Variants in PCDH9 observed in about 807,000 individuals in gnomAD.
PCDH9 encodes the protein protocadherin 9.
Under a neutral mutation model 70.6 loss-of-function variants are expected in PCDH9, and 24 were observed. The observed-to-expected ratio is 0.34, with a 90% CI of 0.25 to 0.48. PCDH9 has a LOEUF of 0.48. Ranked by LOEUF, PCDH9 falls within the 20% of genes least tolerant of loss-of-function variation. The pLI, the probability that PCDH9 is intolerant of heterozygous loss-of-function variation, is 0.99. For missense variants in PCDH9, 1,281 were observed against 1,503.6 expected, an observed-to-expected ratio of 0.85 and a Z score of 2.45; for synonymous variants, 562 against 558.5, an observed-to-expected ratio of 1.01 and a Z score of -0.09.
intron 2 of PCDH9, among the ~76,000 whole-genome samples, chr13:67,072,307 G>T (rs2085782478): frequency 6.6e-6 from 1 of 152,022 alleles, no homozygotes; most frequent in South Asian, 2.1e-4. Flanking sequence ...TTCTAGAAGG[G>T]TCTTACCCTA....
intron 4 of PCDH9, among the ~76,000 whole-genome samples, chr13:66,613,063 G>A (rs2077312132): frequency 1.3e-5 from 2 of 152,212 alleles, no homozygotes; most frequent in South Asian, 2.1e-4. Context: ...CTGAGGGTGG[G>A]GGAAACCATG....
intron 2 of PCDH9, among the ~76,000 whole-genome samples, chr13:66,937,798 C>T (rs1792594449): frequency 6.8e-6 from 1 of 147,980 alleles, no homozygotes; most frequent in Non-Finnish European, 1.5e-5. Context: ...ACTTCACTTC[C>T]AATTCCTGTG....
intron 4 of PCDH9, among the ~76,000 whole-genome samples, chr13:66,314,350 G>C (rs954934647): frequency 3.3e-5 from 5 of 152,144 alleles, no homozygotes; most frequent in African/African-American, 7.2e-5. Context: ...GTAGGTTTGG[G>C]GGGTAAGTCC....
rs541154560 is a variant in PCDH9, at chr13:66,780,076, C to A, written c.3138+123428G>T. ...ATAAAATTGTACTGTGTATGGGATT[C>A]ATTGTAAACAATTATGTTTTAGCTG... On this transcript the variant is annotated intron_variant, in intron 3 of 4. Coordinates refer to ENST00000377865, the MANE Select transcript of PCDH9 (RefSeq NM_203487.3). Among the ~76,000 whole-genome samples the A allele has an allele frequency of 2.0e-5, 3 of 151,710 alleles. No homozygotes were observed. The South Asian group carries it at 6.3e-4, about 32-fold the overall frequency.
chr13:66,831,454 G>C (rs2080923613), intron 3 of PCDH9, among the ~76,000 whole-genome samples: 1 of 152,070 alleles, frequency 6.6e-6, no homozygotes, highest in Non-Finnish European at 1.5e-5. Flanking sequence ...GCTGTGACAA[G>C]CATACTAATT....
chr13:66,829,587 C>T (rs901887555), intron 3 of PCDH9, among the ~76,000 whole-genome samples: 5 of 151,636 alleles, frequency 3.3e-5, no homozygotes, highest in Non-Finnish European at 5.9e-5. Flanking sequence ...ATTTCTCAAT[C>T]AAACTGACAT....
Position 67,227,676 on chromosome 13 carries a change from A to G in PCDH9, c.765T>C (p.Gly255=), listed in dbSNP as rs765852751. 8.1e-6 allele frequency: 13 copies of G among 1,613,692 alleles called. No individual in the cohort carries two copies. Among genetic ancestry groups the G allele is most frequent in the Non-Finnish European group, 1.1e-5 (13 of 1,179,692 alleles). The change falls in exon 2 of 5, where the codon GGT becomes GGC. Residue 255 remains glycine (G), a synonymous_variant. Coordinates refer to ENST00000377865, the MANE Select transcript of PCDH9 (RefSeq NM_203487.3). This position sits in a 1 kb window ranked among gnomAD's most constrained non-coding sequence, Gnocchi z 4.6. The stretch of plus-strand genomic sequence containing the variant: ...TCTCTGGAATATGCACCTCCACTTG[A>G]CCCTCTTTAAACACTGGCCTGTTGT... ...VNDNRPVFKE[G]QVEVHIPENA...
chr13:66,669,226 T>A (rs1056795717), intron 3 of PCDH9, among the ~76,000 whole-genome samples: 1 of 152,204 alleles, frequency 6.6e-6, no homozygotes, highest in East Asian at 1.9e-4. Flanking sequence ...AAGCTAACGC[T>A]ACCTATCTCC....
chr13:67,225,255 C>T (rs1441061224), intron 2 of PCDH9, 150 bp downstream of exon 2: 2 of 1,271,598 alleles, frequency 1.6e-6, no homozygotes, highest in South Asian at 1.6e-5. Context: ...TGACTGAGCC[C>T]CAGAGGAATA....
intron 3 of PCDH9, among the ~76,000 whole-genome samples, chr13:66,860,137 G>A (rs755655408): frequency 1.2e-4 from 19 of 152,166 alleles, no homozygotes; most frequent in Non-Finnish European, 2.6e-4. Context: ...TCCAAACAAT[G>A]CCAGTGTCCA....
chr13:66,449,555 G>T (rs1194158040), intron 4 of PCDH9, among the ~76,000 whole-genome samples: 1 of 152,112 alleles, frequency 6.6e-6, no homozygotes, highest in East Asian at 1.9e-4. Flanking sequence ...AGATATTAAT[G>T]CTGTTACGCC....
At chr13:66,628,848 T>C (rs2077533063) in intron 4 of PCDH9, among the ~76,000 whole-genome samples, 1 of 152,236 alleles carries the variant, frequency 6.6e-6, no homozygotes, top group South Asian at 2.1e-4. Context: ...TGTACTCAGA[T>C]ACTTCTCAGT....
At chr13:66,895,453 G>A (rs1486992443) in intron 3 of PCDH9, among the ~76,000 whole-genome samples, 2 of 152,164 alleles carry the variant, frequency 1.3e-5, no homozygotes, top group African/African-American at 4.8e-5. Flanking sequence ...CTCTCAGGGT[G>A]TCTCCAATAT....
At chr13:66,686,569 T>C (rs1012744407) in intron 3 of PCDH9, among the ~76,000 whole-genome samples, 3 of 152,208 alleles carry the variant, frequency 2.0e-5, no homozygotes, top group Non-Finnish European at 4.4e-5. Flanking sequence ...GCTGCAATAA[T>C]ATTATAGAAC....
chr13:67,119,594 T>C (rs1208276103), intron 2 of PCDH9, among the ~76,000 whole-genome samples: 3 of 152,112 alleles, frequency 2.0e-5, no homozygotes, highest in Non-Finnish European at 4.4e-5. Context: ...GCAATCAGGA[T>C]GTATGTGTGA....
chr13:66,410,333 C>T (rs9592465), intron 4 of PCDH9, among the ~76,000 whole-genome samples: 1 of 152,018 alleles, frequency 6.6e-6, no homozygotes, highest in Non-Finnish European at 1.5e-5. Context: ...ATAGCATGTT[C>T]TTCAGTTTGG....
chr13:66,731,342 G>T (rs575022913), intron 3 of PCDH9, among the ~76,000 whole-genome samples: 1 of 152,196 alleles, frequency 6.6e-6, no homozygotes, highest in Non-Finnish European at 1.5e-5. Context: ...ATTTTTGCAT[G>T]AATATGGTTC....
chr13:66,455,864 G>C (rs1248660441), intron 4 of PCDH9, among the ~76,000 whole-genome samples: 3 of 151,986 alleles, frequency 2.0e-5, no homozygotes, highest in South Asian at 2.1e-4. Flanking sequence ...AGAAAGGAAA[G>C]AAAATAAAAA....
rs79200533 is a variant in PCDH9, at chr13:66,908,762, C to T, written c.3037-5157G>A. On this transcript the variant is annotated intron_variant, in intron 2 of 4. Coordinates refer to ENST00000377865, the MANE Select transcript of PCDH9 (RefSeq NM_203487.3). ...GTTTTCTATGTACCTTCTTTTTTTG[C>T]TTATTTTTGTTATCTTTAATCATAA... 4.9e-3 allele frequency among the ~76,000 whole-genome samples: 735 copies of T among 150,920 alleles called. 6 individuals are homozygous for T. Among genetic ancestry groups the T allele is most frequent in the African/African-American group, 0.017 (692 of 41,396 alleles).
Sources: gnomAD v4.1 joint callset for allele counts (sites outside exome capture counted in the v4.1 genomes callset) on GRCh38, gnomAD v4.1.1 for gene constraint, Gnocchi (gnomAD v3.1) non-coding constraint, MANE v1.5 for transcripts, NCBI Gene and HGNC (gene_info 2026-07-23, HGNC 2026-07-21) for gene names.